The following RIDA variants were observed in gnomAD, a reference collection of about 807,000 sequenced individuals.
RIDA encodes reactive intermediate imine deaminase A.
A neutral mutation model predicts 17.8 loss-of-function variants in RIDA; 17 were observed. The observed-to-expected ratio is 0.96, with a 90% CI of 0.65 to 1.43. RIDA has a LOEUF of 1.43. Among genes scored for constraint, RIDA ranks in the 40% most tolerant of loss-of-function variants. RIDA has a pLI of 0.00. For synonymous variants in RIDA, 48 were observed against 55.7 expected (o/e 0.86, Z 0.62); for missense variants, 158 against 161.7 (o/e 0.98, Z 0.12).
chr8:98,112,754 G>A (rs1373438920), intron 1 of RIDA, among the ~76,000 whole-genome samples: 2 of 152,122 alleles, frequency 1.3e-5, no homozygotes, highest in African/African-American at 4.8e-5. Context: ...GAATTAGGCC[G>A]TCTGCCCTAG....
chr8:98,107,863 G>A (rs184935005), intron 2 of RIDA, among the ~76,000 whole-genome samples: 18 of 151,822 alleles, frequency 1.2e-4, no homozygotes, highest in Non-Finnish European at 2.1e-4. Flanking sequence ...TCCGCCTTCC[G>A]GGTTCAAACG....
At chr8:98,104,665 C>T in intron 4 of RIDA, 121 bp from the exon 5 acceptor site, 1 of 649,404 alleles carries the variant, frequency 1.5e-6, no homozygotes, top group Non-Finnish European at 2.7e-6. Context: ...AATTAATAAT[C>T]TGGCAAATAT....
At chr8:98,107,142 C>T (rs1019887260) in intron 2 of RIDA, among the ~76,000 whole-genome samples, 2 of 152,312 alleles carry the variant, frequency 1.3e-5, no homozygotes, top group Admixed American at 6.5e-5. Flanking sequence ...CAATTTACCT[C>T]GGAGATCTTT....
intron 4 of RIDA, 142 bp downstream of exon 4, chr8:98,105,796 A>G (rs1815624763): frequency 1.7e-6 from 1 of 574,932 alleles, no homozygotes; most frequent in African/African-American, 1.9e-5. Flanking sequence ...CATATTTCCA[A>G]TCAGATTATT....
chr8:98,110,088 G>C (rs896932973), intron 1 of RIDA, among the ~76,000 whole-genome samples: 1 of 152,174 alleles, frequency 6.6e-6, no homozygotes, highest in African/African-American at 2.4e-5. Flanking sequence ...TGAAACCTTA[G>C]AAAAGAAAAT....
chr8:98,107,776 AT>A (rs71271200), intron 2 of RIDA, among the ~76,000 whole-genome samples: 1 of 148,670 alleles, frequency 6.7e-6, no homozygotes, highest in African/African-American at 2.5e-5. Context: ...TTTTTTTTCT[AT>A]TTTTTTTTTG....
At position 98,109,168 on chromosome 8, in the gene RIDA, T is replaced by C. The variant is rs1343101526; in HGVS notation, c.66-417A>G. On this transcript the variant is annotated intron_variant, in intron 1 of 5. Coordinates refer to ENST00000254878, the MANE Select transcript of RIDA (RefSeq NM_005836.3). ...ATGAGTATACCACTGCGCTCCAGCC[T>C]CAGTGGCACTGAGTAACAGAGAAAG... 5.3e-5 allele frequency among the ~76,000 whole-genome samples: 8 copies of C among 152,160 alleles called. No homozygotes were observed. The East Asian group carries it at 1.5e-3, about 29-fold the overall frequency.
intron 1 of RIDA, among the ~76,000 whole-genome samples, chr8:98,111,101 G>A (rs1815720698): frequency 6.6e-6 from 1 of 152,086 alleles, no homozygotes; most frequent in Non-Finnish European, 1.5e-5. Flanking sequence ...TTTCTGCAAA[G>A]TGCTTACTTC....
At chr8:98,107,393 G>T (rs11774466) in intron 2 of RIDA, among the ~76,000 whole-genome samples, 1 of 151,808 alleles carries the variant, frequency 6.6e-6, no homozygotes, top group East Asian at 2.0e-4. Context: ...GTGTGGTGGC[G>T]TGTGCCTGTA....
intron 1 of RIDA, among the ~76,000 whole-genome samples, chr8:98,109,416 T>C (rs1815686139): frequency 6.6e-6 from 1 of 152,152 alleles, no homozygotes; most frequent in Non-Finnish European, 1.5e-5. Context: ...TCAACATTAG[T>C]AGTCATTAGA....
At chr8:98,106,427 T>TA (rs1815633637) in intron 2 of RIDA, 101 bp from the exon 3 acceptor site, 7 of 938,884 alleles carry the variant, frequency 7.5e-6, no homozygotes, top group Non-Finnish European at 1.2e-5. Context: ...TTAAATAGCC[T>TA]ATGTTGCAGA....
At chr8:98,111,568 T>G (rs925047211) in intron 1 of RIDA, among the ~76,000 whole-genome samples, 1 of 150,994 alleles carries the variant, frequency 6.6e-6, no homozygotes, top group Non-Finnish European at 1.5e-5. Context: ...ATCACGTTAC[T>G]GTACTCCAGC....
intron 2 of RIDA, among the ~76,000 whole-genome samples, chr8:98,108,237 T>C (rs976512860): frequency 2.0e-5 from 3 of 152,186 alleles, no homozygotes; most frequent in African/African-American, 7.2e-5. Flanking sequence ...TTTAATTATA[T>C]TTATTGGATT....
rs79321803 is a variant in RIDA, at chr8:98,115,808, T to C, written c.65+1224A>G. Among the ~76,000 whole-genome samples, 253 of 152,330 alleles carry C rather than the reference T, an allele frequency of 1.7e-3. 4 individuals are homozygous for C. Among genetic ancestry groups the C allele is most frequent in the African/African-American group, 5.8e-3 (242 of 41,574 alleles). On this transcript the variant is annotated intron_variant, in intron 1 of 5. Transcript: ENST00000254878. ...TTGAGTTTATTTTTTACTATTACTT[T>C]CTATTGAATTGTTTTCTATTTAGTG...
chr8:98,106,160 A>G, intron 3 of RIDA, 112 bp downstream of exon 3: 3 of 1,174,224 alleles, frequency 2.6e-6, no homozygotes, highest in Admixed American at 1.9e-5. Context: ...ATTTAAAACA[A>G]CTTTTAAATA....
Position 98,110,871 on chromosome 8 carries a change from C to T in RIDA, c.66-2120G>A, listed in dbSNP as rs570200868. Among the ~76,000 whole-genome samples, 3 of 150,808 alleles carry T rather than the reference C, an allele frequency of 2.0e-5. No individual in the cohort carries two copies. The South Asian group carries it at 6.3e-4, about 32-fold the overall frequency. On this transcript the variant is annotated intron_variant, in intron 1 of 5. Transcript: ENST00000254878. ...TGCTGTTCTCATGATAGTGAGTTCT[C>T]ACGTGATCTAACAGTTTTATAAGTG...
At chr8:98,108,303 G>A (rs913757894) in intron 2 of RIDA, among the ~76,000 whole-genome samples, 1 of 147,716 alleles carries the variant, frequency 6.8e-6, no homozygotes, top group South Asian at 2.2e-4. Context: ...CTTCTGTGGT[G>A]GTAATTTTTT....
chr8:98,110,078 T>C (rs1049382562), intron 1 of RIDA, among the ~76,000 whole-genome samples: 2 of 152,220 alleles, frequency 1.3e-5, no homozygotes, highest in Non-Finnish European at 2.9e-5. Context: ...TTCACTTAAA[T>C]GAAACCTTAG....
intron 3 of RIDA, 88 bp from the exon 4 acceptor site, chr8:98,106,094 G>C: frequency 8.7e-7 from 1 of 1,153,548 alleles, no homozygotes; most frequent in Non-Finnish European, 1.3e-6. Context: ...ATCTGAGACT[G>C]TCTTGATTAA....
Sources: allele counts gnomAD v4.1 joint callset (sites outside exome capture counted in the v4.1 genomes callset), GRCh38; gene constraint gnomAD v4.1.1; transcripts MANE v1.5; gene names NCBI Gene and HGNC (gene_info 2026-07-23, HGNC 2026-07-21).